The following ASIC2 variants were observed in gnomAD, a reference collection of about 807,000 sequenced individuals.
ASIC2 encodes acid-sensing ion channel 2.
Under a neutral mutation model 57.3 loss-of-function variants are expected in ASIC2, and 25 were observed. The ratio of observed to expected loss-of-function variants is 0.44; its 90% CI spans 0.32 to 0.61. ASIC2 has a LOEUF of 0.61. ASIC2 is among the 20% of genes least tolerant of loss of function. The pLI is 0.06. For missense variants in ASIC2, 641 were observed against 738.1 expected (o/e 0.87, Z 1.52); for synonymous variants, 319 against 307.5 (o/e 1.04, Z -0.39).
chr17:33,962,408 A>G (rs1207528220), intron 1 of ASIC2, among the ~76,000 whole-genome samples: 2 of 152,102 alleles, frequency 1.3e-5, no homozygotes, highest in Non-Finnish European at 1.5e-5. Context: ...GAATGACCCA[A>G]TGGCAGGATG....
chr17:33,870,239 T>TG (rs1388580195), intron 1 of ASIC2, among the ~76,000 whole-genome samples: 4 of 138,322 alleles, frequency 2.9e-5, no homozygotes, highest in African/African-American at 8.2e-5. Flanking sequence ...TTTTTTTTTT[T>TG]TTTTTTTTTT....
At chr17:33,266,035 ACCCAGAG>A (rs750410722) in intron 1 of ASIC2, among the ~76,000 whole-genome samples, 11 of 151,898 alleles carry the variant, frequency 7.2e-5, no homozygotes, top group Non-Finnish European at 1.6e-4. Flanking sequence ...GTTCCTTCCC[ACCCAGAG>A]CCTTTTCACT....
intron 1 of ASIC2, among the ~76,000 whole-genome samples, chr17:33,441,674 G>A (rs977510312): frequency 2.0e-5 from 3 of 152,050 alleles, no homozygotes; most frequent in African/African-American, 7.2e-5. Context: ...CTCTCTACCT[G>A]GAAGAAAGGA....
rs1243404125 is a variant in ASIC2 at position 33,930,261 on chromosome 17, T to G, written c.555+225717A>C. Among the ~76,000 whole-genome samples, 4 of 152,310 alleles carry G rather than the reference T, an allele frequency of 2.6e-5. No individual in the cohort carries two copies. In the East Asian group the frequency reaches 5.8e-4, roughly 22 times the overall value. ...ATTTCAGGAATTACTGGAAAGAAAT[T>G]GTCTGACCTGGCTCCTTTTGTGTTT... On this transcript the variant is annotated intron_variant, in intron 1 of 9. Transcript: ENST00000359872.
chr17:33,218,686 C>A (rs1272392047), intron 1 of ASIC2, among the ~76,000 whole-genome samples: 2 of 152,146 alleles, frequency 1.3e-5, no homozygotes, highest in Non-Finnish European at 2.9e-5. Context: ...CAGCAGCATG[C>A]CTCACACACA....
intron 1 of ASIC2, among the ~76,000 whole-genome samples, chr17:33,811,762 T>C (rs1365930538): frequency 6.6e-6 from 1 of 152,202 alleles, no homozygotes; most frequent in South Asian, 2.1e-4. Flanking sequence ...GCAACTTGCC[T>C]AAGGTTTCCC....
intron 1 of ASIC2, among the ~76,000 whole-genome samples, chr17:33,708,099 T>A (rs559660612): frequency 6.6e-6 from 1 of 152,350 alleles, no homozygotes; most frequent in Admixed American, 6.5e-5. Flanking sequence ...GAGAGCTGTC[T>A]GGTTGCCTAA....
chr17:33,830,739 G>A (rs573845140), intron 1 of ASIC2, among the ~76,000 whole-genome samples: 9 of 151,872 alleles, frequency 5.9e-5, no homozygotes, highest in East Asian at 1.9e-4. Flanking sequence ...GACAGGTCCC[G>A]GTGTGTGATG....
chr17:33,613,528 C>G (rs866331321), intron 1 of ASIC2, among the ~76,000 whole-genome samples: 7 of 150,500 alleles, frequency 4.7e-5, no homozygotes, highest in Non-Finnish European at 4.4e-5. Flanking sequence ...CCACGCCCAG[C>G]TAATTTTTTG....
intron 1 of ASIC2, among the ~76,000 whole-genome samples, chr17:33,164,647 A>G (rs1046767772): frequency 1.3e-5 from 2 of 152,096 alleles, no homozygotes; most frequent in African/African-American, 4.8e-5. Context: ...CGACTGTTGC[A>G]GGGGCTTGCT....
intron 1 of ASIC2, among the ~76,000 whole-genome samples, chr17:33,952,364 T>C (rs933099937): frequency 2.0e-5 from 3 of 152,226 alleles, no homozygotes; most frequent in Non-Finnish European, 4.4e-5. Context: ...CCATCTCTTA[T>C]ATGCGGTGCT....
At chr17:33,480,570 A>C (rs1051078268) in intron 1 of ASIC2, among the ~76,000 whole-genome samples, 1 of 152,120 alleles carries the variant, frequency 6.6e-6, no homozygotes, top group African/African-American at 2.4e-5. Flanking sequence ...GAGGCTGGGT[A>C]CCTGTCATAT....
intron 1 of ASIC2, among the ~76,000 whole-genome samples, chr17:33,255,181 AGGTAT>A (rs1472067339): frequency 6.6e-6 from 1 of 151,864 alleles, no homozygotes; most frequent in African/African-American, 2.4e-5. Flanking sequence ...CTGGGACTAC[AGGTAT>A]GCACCACCAC....
chr17:33,228,067 C>T (rs1907953194), intron 1 of ASIC2, among the ~76,000 whole-genome samples: 1 of 152,146 alleles, frequency 6.6e-6, no homozygotes, highest in Admixed American at 6.5e-5. Flanking sequence ...CAGTGTACTC[C>T]ACATGGGGTC....
intron 2 of ASIC2, among the ~76,000 whole-genome samples, chr17:33,092,891 C>G (rs1358028264): frequency 3.3e-5 from 5 of 152,208 alleles, no homozygotes; most frequent in Non-Finnish European, 5.9e-5. Flanking sequence ...TTGAATGGAA[C>G]AAATGAGTGA....
chr17:34,053,779 T>C (rs914220351), intron 1 of ASIC2, among the ~76,000 whole-genome samples: 1 of 152,240 alleles, frequency 6.6e-6, no homozygotes, highest in Admixed American at 6.5e-5. Flanking sequence ...TGCTTAATCA[T>C]ATGCAGGTAC....
At chr17:33,798,866 T>C (rs936406788) in intron 1 of ASIC2, among the ~76,000 whole-genome samples, 3 of 152,116 alleles carry the variant, frequency 2.0e-5, no homozygotes, top group African/African-American at 7.2e-5. Flanking sequence ...AGCCCTGGGC[T>C]GGGGAGATTG....
intron 1 of ASIC2, among the ~76,000 whole-genome samples, chr17:33,477,938 G>T (rs1913282598): frequency 6.6e-6 from 1 of 152,224 alleles, no homozygotes; most frequent in African/African-American, 2.4e-5. Flanking sequence ...ACAGGGTTGT[G>T]GTTGGAAAAG....
chr17:33,876,425 T>A (rs1157903526), intron 1 of ASIC2, among the ~76,000 whole-genome samples: 1 of 152,220 alleles, frequency 6.6e-6, no homozygotes, highest in Non-Finnish European at 1.5e-5. Flanking sequence ...CCACAATATC[T>A]ACGATTGAGC....
Sources: gnomAD v4.1 joint callset for allele counts (sites outside exome capture counted in the v4.1 genomes callset) on GRCh38, gnomAD v4.1.1 for gene constraint, MANE v1.5 for transcripts, NCBI Gene and HGNC (gene_info 2026-07-23, HGNC 2026-07-21) for gene names.